Variants in MGAT4C observed in about 807,000 individuals in gnomAD.
The protein encoded by MGAT4C is MGAT4 family member C, also known as alpha-1,3-mannosyl-glycoprotein 4-beta-N-acetylglucosaminyltransferase C.
A neutral mutation model predicts 40.1 loss-of-function variants in MGAT4C; 19 were observed. The observed-to-expected ratio is 0.47, with a 90% CI of 0.33 to 0.70. The LOEUF is 0.70. MGAT4C is among the 30% of genes least tolerant of loss of function. The pLI is 0.02. For missense variants in MGAT4C, 491 were observed against 563.2 expected, an observed-to-expected ratio of 0.87 and a Z score of 1.30; for synonymous variants, 181 against 187.1, an observed-to-expected ratio of 0.97 and a Z score of 0.27.
At chr12:86,495,479 C>T (rs922631454) in intron 2 of MGAT4C, among the ~76,000 whole-genome samples, 6 of 152,028 alleles carry the variant, frequency 3.9e-5, no homozygotes, top group South Asian at 2.1e-4. Flanking sequence ...ATAGGATGGC[C>T]CTGCCATTCA....
At chr12:86,462,294 T>C (rs766204872) in intron 2 of MGAT4C, among the ~76,000 whole-genome samples, 3 of 152,186 alleles carry the variant, frequency 2.0e-5, no homozygotes, top group Non-Finnish European at 4.4e-5. Context: ...ATGTAGTAAT[T>C]CCTTTAACAA....
chr12:86,129,643 T>C (rs1359250767), intron 1 of MGAT4C, among the ~76,000 whole-genome samples: 1 of 40,510 alleles, frequency 2.5e-5, no homozygotes, highest in Non-Finnish European at 3.6e-5. Context: ...CACTGCAAGC[T>C]CCGCCTCCCG....
chr12:86,604,195 G>A (rs1961958791), intron 2 of MGAT4C, among the ~76,000 whole-genome samples: 1 of 151,738 alleles, frequency 6.6e-6, no homozygotes, highest in South Asian at 2.1e-4. Flanking sequence ...TGGAAATAAT[G>A]GCAGCTAAAG....
chr12:86,766,673 A>T (rs1471589524), intron 1 of MGAT4C, among the ~76,000 whole-genome samples: 1 of 152,036 alleles, frequency 6.6e-6, no homozygotes, highest in Admixed American at 6.6e-5. Flanking sequence ...ACTATCTCTC[A>T]GACCACAGTG....
chr12:86,010,775 G>A (rs1888391056), intron 2 of MGAT4C, among the ~76,000 whole-genome samples: 1 of 152,174 alleles, frequency 6.6e-6, no homozygotes, highest in African/African-American at 2.4e-5. Context: ...CCTTTAACAG[G>A]TGACTGGATC....
chr12:86,264,985 A>G (rs1280392871), intron 4 of MGAT4C, among the ~76,000 whole-genome samples: 2 of 152,142 alleles, frequency 1.3e-5, no homozygotes, highest in East Asian at 3.9e-4. Flanking sequence ...GGCATCTCCA[A>G]TCTTCTGGGC....
intron 2 of MGAT4C, among the ~76,000 whole-genome samples, chr12:86,684,273 C>T (rs904640955): frequency 6.6e-6 from 1 of 152,268 alleles, no homozygotes; most frequent in East Asian, 1.9e-4. Flanking sequence ...TGAGTGAAAA[C>T]ATGTGGTGTT....
At chr12:86,728,722 C>T (rs1034996563) in intron 1 of MGAT4C, among the ~76,000 whole-genome samples, 6 of 152,118 alleles carry the variant, frequency 3.9e-5, no homozygotes, top group Admixed American at 1.3e-4. Context: ...TACTCCCGCT[C>T]ACTACTGTTG....
chr12:86,377,247 T>C (rs530796758), intron 3 of MGAT4C, among the ~76,000 whole-genome samples: 3 of 151,658 alleles, frequency 2.0e-5, no homozygotes, highest in African/African-American at 7.3e-5. Context: ...TTAGTAGAGA[T>C]AGGATTTCTC....
chr12:86,530,119 T>C (rs1024496827), intron 2 of MGAT4C, among the ~76,000 whole-genome samples: 1 of 152,014 alleles, frequency 6.6e-6, no homozygotes, highest in Non-Finnish European at 1.5e-5. Context: ...ACTGAATGTA[T>C]TAACTTATAT....
At chr12:86,509,969 A>G (rs1189101225) in intron 2 of MGAT4C, among the ~76,000 whole-genome samples, 5 of 152,130 alleles carry the variant, frequency 3.3e-5, no homozygotes, top group African/African-American at 1.2e-4. Flanking sequence ...GGGCTGAGAC[A>G]GTGGGGTTTT....
At chr12:86,382,037 C>T (rs77760953) in intron 3 of MGAT4C, among the ~76,000 whole-genome samples, 150 of 152,236 alleles carry the variant, frequency 9.9e-4, no homozygotes, top group Non-Finnish European at 1.9e-3. Context: ...ATGTCTTTAT[C>T]CCGAAAATGT....
chr12:86,204,255 GAAAAAAATGGAAAAGAA>G (rs994848962), intron 1 of MGAT4C, among the ~76,000 whole-genome samples: 2 of 151,378 alleles, frequency 1.3e-5, no homozygotes, highest in Admixed American at 1.3e-4. Flanking sequence ...TGAGATATAA[GAAAAAAATGGAAAAGAA>G]CAACAAAAGG....
At chr12:86,207,332 G>A (rs1256981644) in intron 1 of MGAT4C, among the ~76,000 whole-genome samples, 2 of 151,922 alleles carry the variant, frequency 1.3e-5, no homozygotes, top group African/African-American at 2.4e-5. Flanking sequence ...GTGCAGGCTT[G>A]TTACATAGGT....
At chr12:86,061,820 C>T in intron 1 of MGAT4C, among the ~76,000 whole-genome samples, 1 of 152,132 alleles carries the variant, frequency 6.6e-6, no homozygotes, top group East Asian at 1.9e-4. Context: ...GACTGCCTCT[C>T]TAGATTTTTC....
chr12:86,072,319 A>AT (rs1204913454), intron 1 of MGAT4C, among the ~76,000 whole-genome samples: 2 of 151,766 alleles, frequency 1.3e-5, no homozygotes, highest in Admixed American at 6.6e-5. Flanking sequence ...AATTTCCTAA[A>AT]TTTTTTTTGT....
chr12:86,156,352 T>C (rs1445551179), intron 1 of MGAT4C, among the ~76,000 whole-genome samples: 1 of 152,204 alleles, frequency 6.6e-6, no homozygotes, highest in Admixed American at 6.5e-5. Flanking sequence ...GGCGGAGTTC[T>C]GCTCTTGTTG....
intron 2 of MGAT4C, among the ~76,000 whole-genome samples, chr12:86,616,249 T>G (rs1036037280): frequency 6.6e-6 from 1 of 152,090 alleles, no homozygotes; most frequent in African/African-American, 2.4e-5. Flanking sequence ...CCTGCTGTAC[T>G]TGCAACAATG....
chr12:86,830,970 A>G (rs1265775677), intron 1 of MGAT4C, among the ~76,000 whole-genome samples: 3 of 151,828 alleles, frequency 2.0e-5, no homozygotes, highest in Non-Finnish European at 1.5e-5. Flanking sequence ...AACAAATGCT[A>G]AATACAACTG....
Sources: gnomAD v4.1 joint callset for allele counts (sites outside exome capture counted in the v4.1 genomes callset) on GRCh38, gnomAD v4.1.1 for gene constraint, MANE v1.5 for transcripts, NCBI Gene and HGNC (gene_info 2026-07-23, HGNC 2026-07-21) for gene names.